The following ZNF385D variants were observed in gnomAD, a reference collection of about 807,000 sequenced individuals.
ZNF385D encodes zinc finger protein 385D, also known as zinc finger protein 659.
Under a neutral mutation model 35.8 loss-of-function variants are expected in ZNF385D, and 15 were observed. That is an observed-to-expected ratio of 0.42 (90% CI 0.28 to 0.64). The LOEUF (loss-of-function observed/expected upper bound fraction) is 0.64, where lower values mean the gene tolerates loss of function less well. ZNF385D is among the 30% of genes least tolerant of loss of function. The pLI is 0.23. For synonymous variants in ZNF385D, 212 were observed against 186.8 expected (o/e 1.13, Z -1.10); for missense variants, 474 against 494.6 (o/e 0.96, Z 0.39).
intron 3 of ZNF385D, among the ~76,000 whole-genome samples, chr3:21,840,048 T>TG (rs1250115393): frequency 6.6e-6 from 1 of 152,042 alleles, no homozygotes; most frequent in African/African-American, 2.4e-5. Context: ...CTGTTATAAG[T>TG]GGAAAAAAGA....
At chr3:21,662,343 G>T (rs904620812) in intron 2 of ZNF385D, among the ~76,000 whole-genome samples, 3 of 152,140 alleles carry the variant, frequency 2.0e-5, no homozygotes, top group African/African-American at 7.2e-5. Flanking sequence ...TCCCACCAAA[G>T]CCTTATAACC....
intron 3 of ZNF385D, among the ~76,000 whole-genome samples, chr3:22,146,267 C>G (rs1383857881): frequency 6.6e-6 from 1 of 152,092 alleles, no homozygotes; most frequent in South Asian, 2.1e-4. Flanking sequence ...CAGTAATATT[C>G]GTTTAATAGC....
At chr3:22,008,513 C>G (rs971261667) in intron 3 of ZNF385D, among the ~76,000 whole-genome samples, 4 of 152,034 alleles carry the variant, frequency 2.6e-5, no homozygotes, top group Non-Finnish European at 5.9e-5. Flanking sequence ...CCCGCCACCT[C>G]TCCCTGCTAA....
intron 3 of ZNF385D, among the ~76,000 whole-genome samples, chr3:22,069,692 G>T (rs1285955896): frequency 6.6e-6 from 1 of 152,172 alleles, no homozygotes; most frequent in Non-Finnish European, 1.5e-5. Context: ...CAGTGAAGAT[G>T]AAACTCAAGG....
At chr3:21,810,758 G>A (rs1395852610) in intron 3 of ZNF385D, among the ~76,000 whole-genome samples, 1 of 151,918 alleles carries the variant, frequency 6.6e-6, no homozygotes, top group African/African-American at 2.4e-5. Context: ...GGGATTAGAT[G>A]CATATGAAGC....
At chr3:22,115,384 TAGAA>T (rs1559380155) in intron 3 of ZNF385D, among the ~76,000 whole-genome samples, 2 of 152,090 alleles carry the variant, frequency 1.3e-5, no homozygotes, top group Non-Finnish European at 2.9e-5. Flanking sequence ...TGTGCACAAG[TAGAA>T]AGAGAACATA....
rs145595999 is a variant in ZNF385D at position 21,792,683 on chromosome 3, G to A, written c.326-127655C>T. Among the ~76,000 whole-genome samples, 246 of 152,170 alleles carry A rather than the reference G, an allele frequency of 1.6e-3. 1 individual carries two copies. The highest frequency in any genetic ancestry group is 5.6e-3 in the African/African-American group (233 of 41,510). Reference sequence around the variant, plus strand: ...GACTTGCACACACAGCAAAAAGCAGGCCCTAGACCCCCTTTTAGTCATTTC... The same window carrying A: ...GACTTGCACACACAGCAAAAAGCAGACCCTAGACCCCCTTTTAGTCATTTC... On this transcript the variant is annotated intron_variant, in intron 3 of 5. Coordinates refer to the ZNF385D transcript ENST00000494108.
At chr3:22,308,022 C>A (rs969073221) in intron 2 of ZNF385D, among the ~76,000 whole-genome samples, 2 of 152,038 alleles carry the variant, frequency 1.3e-5, no homozygotes, top group Admixed American at 1.3e-4. Flanking sequence ...TAATTTAGGT[C>A]TCTAGACAGC....
In ZNF385D at chr3:22,154,208, C is replaced by T. The variant is rs375237597; in HGVS notation, c.325+14609G>A. 6.6e-5 allele frequency among the ~76,000 whole-genome samples: 10 copies of T among 152,218 alleles called. 1 individual carries two copies. Among genetic ancestry groups the T allele is most frequent in the African/African-American group, 2.4e-4 (10 of 41,536 alleles). On this transcript the variant is annotated intron_variant, in intron 3 of 5. Transcript: ENST00000494108. Reference sequence around the variant, plus strand: ...ATTCTGCCCTGTTTATTGTTGAAGGCCTGCCACTACAATTGAAGCTCATTT... The same window carrying T: ...ATTCTGCCCTGTTTATTGTTGAAGGTCTGCCACTACAATTGAAGCTCATTT...
chr3:22,307,027 G>A (rs1010872473), intron 2 of ZNF385D, among the ~76,000 whole-genome samples: 1 of 152,156 alleles, frequency 6.6e-6, no homozygotes, highest in Admixed American at 6.6e-5. Context: ...GCTCTGTAGA[G>A]GGGATTTACT....
At chr3:22,179,307 T>C (rs1406636036) in intron 2 of ZNF385D, among the ~76,000 whole-genome samples, 1 of 152,176 alleles carries the variant, frequency 6.6e-6, no homozygotes, top group Non-Finnish European at 1.5e-5. Flanking sequence ...TCACATCCCT[T>C]GTAAGTTGGA....
intron 3 of ZNF385D, among the ~76,000 whole-genome samples, chr3:21,982,614 T>C (rs543805525): frequency 7.2e-5 from 11 of 152,288 alleles, no homozygotes; most frequent in Non-Finnish European, 1.3e-4. Flanking sequence ...GGACATCCAA[T>C]ACTGTGTTGA....
rs1304795543 is a variant in ZNF385D at position 21,416,885 on chromosome 3, G to T, written c.*4329C>A. 1 of 152,056 alleles carries T rather than the reference G, an allele frequency of 6.6e-6. No homozygotes were observed. The highest frequency in any genetic ancestry group is 1.5e-5 in the Non-Finnish European group (1 of 67,970). 9.4% of individuals were successfully genotyped at this position (152,056 alleles called of 1,614,324 possible). A position where few individuals can be genotyped will look rare whatever the true frequency, so the allele number is the denominator to read the frequency against. ...ATAAGGATGATGCATTTAAATTGTTGTTCCCTTCCACACCCCCACTGCCAG... is the reference window on the plus strand; with the variant it reads ...ATAAGGATGATGCATTTAAATTGTTTTTCCCTTCCACACCCCCACTGCCAG... On this transcript the variant is annotated 3_prime_UTR_variant, in exon 8 of 8. Coordinates refer to ENST00000281523, the MANE Select transcript of ZNF385D (RefSeq NM_024697.3).
intron 4 of ZNF385D, among the ~76,000 whole-genome samples, chr3:21,507,094 A>C (rs1160972046): frequency 1.3e-5 from 2 of 152,194 alleles, no homozygotes; most frequent in African/African-American, 4.8e-5. Flanking sequence ...ATAATATATG[A>C]CTTGAAAATT....
chr3:22,258,609 A>C (rs768113236), intron 2 of ZNF385D, among the ~76,000 whole-genome samples: 7 of 151,762 alleles, frequency 4.6e-5, no homozygotes, highest in Non-Finnish European at 1.0e-4. Context: ...AGAAGTTTTC[A>C]AACTTTTTGG....
At chr3:22,016,358 C>T (rs1674517202) in intron 3 of ZNF385D, among the ~76,000 whole-genome samples, 1 of 152,056 alleles carries the variant, frequency 6.6e-6, no homozygotes, top group African/African-American at 2.4e-5. Flanking sequence ...GCTGAGGCTG[C>T]GAAACCTTGA....
intron 1 of ZNF385D, among the ~76,000 whole-genome samples, chr3:21,674,613 A>G (rs13073475): frequency 1.3e-5 from 2 of 152,080 alleles, no homozygotes; most frequent in Non-Finnish European, 2.9e-5. Context: ...AAGTATTACT[A>G]AGAAAACCAA....
intron 2 of ZNF385D, among the ~76,000 whole-genome samples, chr3:22,333,689 T>A (rs1303341086): frequency 6.6e-6 from 1 of 152,146 alleles, no homozygotes; most frequent in African/African-American, 2.4e-5. Flanking sequence ...TCCACCTTCC[T>A]CATTGGAGAA....
At chr3:22,249,694 T>C (rs1181246286) in intron 2 of ZNF385D, among the ~76,000 whole-genome samples, 1 of 152,204 alleles carries the variant, frequency 6.6e-6, no homozygotes, top group Admixed American at 6.6e-5. Flanking sequence ...GCAATCATTT[T>C]TGACAAACCC....
Sources: allele counts gnomAD v4.1 joint callset (sites outside exome capture counted in the v4.1 genomes callset), GRCh38; gene constraint gnomAD v4.1.1; transcripts MANE v1.5; gene names NCBI Gene and HGNC (gene_info 2026-07-23, HGNC 2026-07-21).